The following ARHGEF4 variants were observed in gnomAD, a reference collection of about 807,000 sequenced individuals.
The protein encoded by ARHGEF4 is Rho guanine nucleotide exchange factor 4.
A neutral mutation model predicts 162.0 loss-of-function variants in ARHGEF4; 119 were observed. The ratio of observed to expected loss-of-function variants is 0.73; its 90% CI spans 0.63 to 0.86. ARHGEF4 has a LOEUF of 0.86. Ranked by LOEUF, ARHGEF4 falls within the 40% of genes least tolerant of loss-of-function variation. ARHGEF4 has a pLI of 0.00. For missense variants in ARHGEF4, 2,488 were observed against 2,456.0 expected (o/e 1.01, Z -0.28); for synonymous variants, 1,014 against 979.9 (o/e 1.03, Z -0.65).
At chr2:130,966,787 G>T (rs1426833574) in intron 4 of ARHGEF4, among the ~76,000 whole-genome samples, 2 of 152,196 alleles carry the variant, frequency 1.3e-5, no homozygotes, top group African/African-American at 2.4e-5. Flanking sequence ...GCAAAGCAAA[G>T]AAATTAAAAG....
At chr2:130,922,941 T>TATATATATA (rs1559042194) in intron 2 of ARHGEF4, among the ~76,000 whole-genome samples, 1 of 148,614 alleles carries the variant, frequency 6.7e-6, no homozygotes, top group African/African-American at 2.4e-5. Flanking sequence ...TATATATATA[T>TATATATATA]TTTGTTTGAG....
chr2:130,901,523 CTT>C (rs113416794), intron 1 of ARHGEF4, among the ~76,000 whole-genome samples: 19 of 144,404 alleles, frequency 1.3e-4, no homozygotes, highest in East Asian at 2.0e-4. Context: ...AGCCCATATT[CTT>C]TTTTTTTTTT....
At position 131,041,810 on chromosome 2, in the gene ARHGEF4, C is replaced by T. The variant is rs780598385; in HGVS notation, c.4896-5C>T. 2.5e-6 allele frequency: 4 copies of T among 1,612,780 alleles called. No individual in the cohort carries two copies. Among genetic ancestry groups the T allele is most frequent in the Non-Finnish European group, 2.5e-6 (3 of 1,179,852 alleles). ...CAGCAGCCTTCCATCTCTGTTCTGC[C>T]CCAGGGACTTCAAGGATGTTGAAGC... On this transcript the variant is annotated splice_region_variant and splice_polypyrimidine_tract_variant and intron_variant, in intron 9 of 13. Coordinates refer to ENST00000409359, the MANE Select transcript of ARHGEF4 (RefSeq NM_001367493.1).
intron 4 of ARHGEF4, among the ~76,000 whole-genome samples, chr2:130,994,764 C>G (rs1234510705): frequency 6.6e-6 from 1 of 152,138 alleles, no homozygotes; most frequent in Non-Finnish European, 1.5e-5. Flanking sequence ...TGGATTCTTT[C>G]AGTGTTTGTT....
At chr2:130,999,355 A>T (rs979947988) in intron 4 of ARHGEF4, among the ~76,000 whole-genome samples, 4 of 151,518 alleles carry the variant, frequency 2.6e-5, no homozygotes, top group African/African-American at 9.7e-5. Flanking sequence ...ACGGGGTTTT[A>T]CCATGTTAGC....
intron 6 of ARHGEF4, chr2:131,039,382 G>A (rs749818352): frequency 4.1e-5 from 44 of 1,077,652 alleles, no homozygotes; most frequent in Admixed American, 4.9e-5. Flanking sequence ...CCCCGGGAGT[G>A]GGAACCATGA....
chr2:130,946,758 A>G, intron 4 of ARHGEF4, 123 bp downstream of exon 4: 3 of 1,403,204 alleles, frequency 2.1e-6, no homozygotes, highest in East Asian at 2.4e-5. Flanking sequence ...TGAGAGAGAT[A>G]AACAATTGTC....
At chr2:130,924,959 A>T (rs1682140594) in intron 2 of ARHGEF4, among the ~76,000 whole-genome samples, 1 of 151,974 alleles carries the variant, frequency 6.6e-6, no homozygotes, top group South Asian at 2.1e-4. Flanking sequence ...AATGCTGGAT[A>T]GCTTTCCTGT....
At chr2:130,966,100 G>A (rs550535501) in intron 4 of ARHGEF4, among the ~76,000 whole-genome samples, 25 of 152,248 alleles carry the variant, frequency 1.6e-4, no homozygotes, top group African/African-American at 4.1e-4. Context: ...CACACTACCC[G>A]GGGAGTGCTG....
chr2:130,904,110 G>A (rs933537466), intron 1 of ARHGEF4, among the ~76,000 whole-genome samples: 1 of 152,112 alleles, frequency 6.6e-6, no homozygotes, highest in African/African-American at 2.4e-5. Context: ...TCTCCACAGG[G>A]GCTGTGCTTA....
chr2:130,930,842 C>T, intron 2 of ARHGEF4, 110 bp from the exon 3 acceptor site: 1 of 1,058,136 alleles, frequency 9.5e-7, no homozygotes, highest in Non-Finnish European at 1.3e-6. Context: ...TGAAAATTAA[C>T]CAAAACATAG....
chr2:131,021,525 C>T (rs184132122), intron 4 of ARHGEF4, among the ~76,000 whole-genome samples: 1 of 152,256 alleles, frequency 6.6e-6, no homozygotes, highest in East Asian at 1.9e-4. Context: ...ACCATAAAAA[C>T]CCTAGAAGAA....
chr2:130,974,596 A>G (rs1685575871), intron 4 of ARHGEF4, among the ~76,000 whole-genome samples: 1 of 146,064 alleles, frequency 6.8e-6, no homozygotes, highest in African/African-American at 2.5e-5. Context: ...TACAGTAGGC[A>G]CACGCCACCA....
chr2:130,895,961 G>T (rs983734692), intron 1 of ARHGEF4, among the ~76,000 whole-genome samples: 1 of 152,062 alleles, frequency 6.6e-6, no homozygotes, highest in Non-Finnish European at 1.5e-5. Flanking sequence ...TTTAGTCCTA[G>T]CACTTAGCTA....
At chr2:130,951,135 T>C (rs1683933961) in intron 4 of ARHGEF4, among the ~76,000 whole-genome samples, 1 of 152,230 alleles carries the variant, frequency 6.6e-6, no homozygotes, top group South Asian at 2.1e-4. Flanking sequence ...GCTGATTTGA[T>C]CTTCTATCTA....
At chr2:130,979,545 G>T (rs1685973309) in intron 4 of ARHGEF4, among the ~76,000 whole-genome samples, 1 of 151,988 alleles carries the variant, frequency 6.6e-6, no homozygotes, top group South Asian at 2.1e-4. Context: ...AGAGCAGCCT[G>T]GTCAACATGG....
At chr2:131,040,704 GGAGGGCA>G (rs1402602214) in intron 8 of ARHGEF4, among the ~76,000 whole-genome samples, 2 of 152,232 alleles carry the variant, frequency 1.3e-5, no homozygotes, top group East Asian at 3.9e-4. Flanking sequence ...TTGACAGATA[GGAGGGCA>G]GAGGCCTGCC....
chr2:131,010,172 C>T (rs932987846), intron 4 of ARHGEF4, among the ~76,000 whole-genome samples: 1 of 152,188 alleles, frequency 6.6e-6, no homozygotes, highest in African/African-American at 2.4e-5. Context: ...CTGAGATTGT[C>T]CTCCTTATTG....
chr2:130,894,827 A>C (rs989066333), intron 1 of ARHGEF4, among the ~76,000 whole-genome samples: 17 of 152,054 alleles, frequency 1.1e-4, no homozygotes, highest in African/African-American at 4.1e-4. Context: ...AGGCATGGCC[A>C]GGCTTATGCA....
Sources: allele counts gnomAD v4.1 joint callset (sites outside exome capture counted in the v4.1 genomes callset), GRCh38; gene constraint gnomAD v4.1.1; transcripts MANE v1.5; gene names NCBI Gene and HGNC (gene_info 2026-07-23, HGNC 2026-07-21).